The following ATRNL1 variants were observed in gnomAD, a reference collection of about 807,000 sequenced individuals.
ATRNL1 encodes attractin like 1.
In ATRNL1, 95 loss-of-function variants were observed where a neutral mutation model predicts 182.7. That is an observed-to-expected ratio of 0.52 (90% CI 0.44 to 0.62). ATRNL1 has a LOEUF of 0.62. Among genes scored for constraint, ATRNL1 ranks in the 20% least tolerant of loss-of-function variants. ATRNL1 has a pLI of 0.00. For missense variants in ATRNL1, 1,471 were observed against 1,679.5 expected (o/e 0.88, Z 2.17); for synonymous variants, 576 against 568.3 (o/e 1.01, Z -0.19).
intron 17 of ATRNL1, among the ~76,000 whole-genome samples, chr10:115,314,057 C>T (rs10749173): frequency 0.97 from 147,170 of 152,310 alleles, 71,126 homozygotes; most frequent in East Asian, 1. Flanking sequence ...ATTTTTAAAA[C>T]TGTGTCATTT....
intron 5 of ATRNL1, among the ~76,000 whole-genome samples, chr10:115,148,319 T>G (rs1477282517): frequency 3.3e-5 from 5 of 152,204 alleles, no homozygotes; most frequent in East Asian, 1.9e-4. Flanking sequence ...CTGAATTCAT[T>G]TATTACATTT....
chr10:115,852,210 C>A (rs782014481), intron 28 of ATRNL1, among the ~76,000 whole-genome samples: 103 of 152,266 alleles, frequency 6.8e-4, no homozygotes, highest in Middle Eastern at 3.4e-3. Flanking sequence ...CATGATCCTG[C>A]CTCATATATG....
chr10:115,667,077 G>T (rs550411002), intron 26 of ATRNL1, among the ~76,000 whole-genome samples: 1 of 151,978 alleles, frequency 6.6e-6, no homozygotes, highest in South Asian at 2.1e-4. Flanking sequence ...GGTATATTCT[G>T]CCTGCCCCTC....
intron 28 of ATRNL1, among the ~76,000 whole-genome samples, chr10:115,889,360 C>G: frequency 8.2e-6 from 1 of 122,506 alleles, no homozygotes; most frequent in Admixed American, 1.1e-4. Flanking sequence ...GTTTTTGAGA[C>G]AGAGTCTTGC....
At chr10:115,192,868 A>T (rs1329681887) in intron 8 of ATRNL1, among the ~76,000 whole-genome samples, 1 of 151,740 alleles carries the variant, frequency 6.6e-6, no homozygotes, top group South Asian at 2.1e-4. Context: ...TCTTTTTCAG[A>T]TTGTGCACTG....
Position 115,947,889 on chromosome 10 carries a change from C to T in ATRNL1, c.*3110C>T, listed in dbSNP as rs1052815217. Reference sequence around the variant, plus strand: ...TGTAAAGGGCGGTAATGGTGCCCACCTTTCGAGGCATTGCGAGGCTAGATG... The same window carrying T: ...TGTAAAGGGCGGTAATGGTGCCCACTTTTCGAGGCATTGCGAGGCTAGATG... On this transcript the variant is annotated 3_prime_UTR_variant, in exon 29 of 29. Transcript: ENST00000355044. 1 of 152,186 alleles carries T rather than the reference C, an allele frequency of 6.6e-6. No homozygotes were observed. The highest frequency in any genetic ancestry group is 1.5e-5 in the Non-Finnish European group (1 of 68,042). 9.4% of individuals were successfully genotyped at this position (152,186 alleles called of 1,614,324 possible).
intron 27 of ATRNL1, among the ~76,000 whole-genome samples, chr10:115,814,246 T>G (rs1950112611): frequency 6.6e-6 from 1 of 152,254 alleles, no homozygotes; most frequent in Admixed American, 6.5e-5. Context: ...CTTTTAACCT[T>G]GAGTCATGAT....
At chr10:115,717,856 A>C (rs904070832) in intron 26 of ATRNL1, among the ~76,000 whole-genome samples, 1 of 152,022 alleles carries the variant, frequency 6.6e-6, no homozygotes, top group African/African-American at 2.4e-5. Flanking sequence ...ACCCGGCCTG[A>C]AATGTTCTTT....
intron 20 of ATRNL1, among the ~76,000 whole-genome samples, chr10:115,413,574 A>C (rs576896901): frequency 4.6e-5 from 7 of 152,158 alleles, no homozygotes; most frequent in African/African-American, 1.7e-4. Context: ...CCAATGATTT[A>C]TAATTCACTA....
intron 10 of ATRNL1, among the ~76,000 whole-genome samples, chr10:115,256,237 G>T (rs1268520714): frequency 6.6e-6 from 1 of 152,130 alleles, no homozygotes; most frequent in Non-Finnish European, 1.5e-5. Context: ...TGTACCTCTG[G>T]TAGAATTCAG....
intron 18 of ATRNL1, among the ~76,000 whole-genome samples, chr10:115,327,852 G>A (rs1231944505): frequency 9.9e-5 from 15 of 151,520 alleles, no homozygotes; most frequent in Admixed American, 4.6e-4. Context: ...ACCAAACACC[G>A]CATATTCTCA....
At chr10:115,729,467 T>A (rs1442834001) in intron 27 of ATRNL1, among the ~76,000 whole-genome samples, 1 of 151,204 alleles carries the variant, frequency 6.6e-6, no homozygotes. Context: ...ACTACTGTTC[T>A]ACCAAGGCTT....
intron 9 of ATRNL1, among the ~76,000 whole-genome samples, chr10:115,233,007 T>G (rs1243781716): frequency 6.6e-6 from 1 of 152,072 alleles, no homozygotes; most frequent in Non-Finnish European, 1.5e-5. Context: ...CAGGGAAGAA[T>G]CCTTCTAGCC....
chr10:115,745,927 G>A (rs1347248678), intron 27 of ATRNL1, among the ~76,000 whole-genome samples: 1 of 152,032 alleles, frequency 6.6e-6, no homozygotes, highest in Non-Finnish European at 1.5e-5. Context: ...TAAAAAACAA[G>A]AATCCAAAAA....
intron 8 of ATRNL1, among the ~76,000 whole-genome samples, chr10:115,208,148 A>T (rs1426987464): frequency 6.6e-6 from 1 of 152,016 alleles, no homozygotes; most frequent in African/African-American, 2.4e-5. Flanking sequence ...ATTTATAGGC[A>T]TTCTATTTCA....
intron 8 of ATRNL1, among the ~76,000 whole-genome samples, chr10:115,209,428 T>G (rs1848934129): frequency 6.6e-6 from 1 of 150,388 alleles, no homozygotes; most frequent in South Asian, 2.1e-4. Context: ...TTTTGTTTTT[T>G]TTTTTTTCTG....
intron 19 of ATRNL1, among the ~76,000 whole-genome samples, chr10:115,386,588 C>T (rs1858361673): frequency 1.3e-5 from 2 of 152,094 alleles, no homozygotes; most frequent in South Asian, 4.1e-4. Context: ...AGGTAACTGA[C>T]ATTGTGGACT....
intron 19 of ATRNL1, among the ~76,000 whole-genome samples, chr10:115,381,190 A>G (rs553639591): frequency 1.2e-4 from 19 of 152,234 alleles, no homozygotes; most frequent in African/African-American, 4.6e-4. Flanking sequence ...TCTCTTTGGA[A>G]TAATCTTCTT....
chr10:115,379,623 T>C (rs759121790), intron 19 of ATRNL1, among the ~76,000 whole-genome samples: 4 of 152,248 alleles, frequency 2.6e-5, no homozygotes, highest in Non-Finnish European at 5.9e-5. Flanking sequence ...GACATCATGA[T>C]ATATTCATTA....
Sources: gnomAD v4.1 joint callset for allele counts (sites outside exome capture counted in the v4.1 genomes callset) on GRCh38, gnomAD v4.1.1 for gene constraint, MANE v1.5 for transcripts, NCBI Gene and HGNC (gene_info 2026-07-23, HGNC 2026-07-21) for gene names.